The following RPS6KC1 variants were observed in gnomAD, a reference collection of about 807,000 sequenced individuals.
The protein encoded by RPS6KC1 is inactive ribosomal protein S6 kinase delta-1.
RPS6KC1 carries 54 observed loss-of-function variants against 103.8 expected under a neutral mutation model. The observed-to-expected ratio is 0.52, with a 90% CI of 0.42 to 0.65. RPS6KC1 has a LOEUF of 0.65. Among genes scored for constraint, RPS6KC1 ranks in the 30% least tolerant of loss-of-function variants. The pLI, the probability that RPS6KC1 is intolerant of heterozygous loss-of-function variation, is 0.00. For missense variants in RPS6KC1, 1,151 were observed against 1,253.8 expected (o/e 0.92, Z 1.24); for synonymous variants, 439 against 438.7 (o/e 1.00, Z -0.01).
At chr1:213,276,224 A>G (rs1022890709), downstream of RPS6KC1, among the ~76,000 whole-genome samples, 2 of 152,188 alleles carry the variant, frequency 1.3e-5, no homozygotes, top group Non-Finnish European at 2.9e-5. Flanking sequence ...GAGCCCTGAG[A>G]TTCTGCCTCC....
chr1:213,763,129 G>C, the RPS6KC1 span, among the ~76,000 whole-genome samples: 1 of 152,132 alleles, frequency 6.6e-6, no homozygotes, highest in African/African-American at 2.4e-5. Flanking sequence ...AAAGTTCTGG[G>C]ATTATAGGTG....
chr1:213,317,526 CT>C, the RPS6KC1 span, among the ~76,000 whole-genome samples: 838 of 152,266 alleles, frequency 5.5e-3, 10 homozygotes, highest in African/African-American at 0.019. Context: ...CCCTGATGAC[CT>C]TAACCTTCAT....
At chr1:213,778,557 C>CT in the RPS6KC1 span, among the ~76,000 whole-genome samples, 2 of 151,724 alleles carry the variant, frequency 1.3e-5, no homozygotes, top group African/African-American at 2.4e-5. Flanking sequence ...TGGCCTGATC[C>CT]TTTTTTTTCT....
the RPS6KC1 span, among the ~76,000 whole-genome samples, chr1:213,620,697 T>G: frequency 6.6e-6 from 1 of 152,222 alleles, no homozygotes; most frequent in Non-Finnish European, 1.5e-5. Context: ...GACATAGTTG[T>G]TACATTTTTA....
At chr1:213,392,078 G>A in the RPS6KC1 span, among the ~76,000 whole-genome samples, 1 of 152,152 alleles carries the variant, frequency 6.6e-6, no homozygotes, top group Non-Finnish European at 1.5e-5. Flanking sequence ...GTGCCTTTTG[G>A]TGAATTGGTA....
intron 4 of RPS6KC1, 124 bp downstream of exon 4, chr1:213,104,693 C>A: frequency 2.2e-6 from 1 of 464,536 alleles, no homozygotes; most frequent in Admixed American, 3.8e-5. Context: ...ATTAATAGCT[C>A]TATAATAATG....
chr1:213,268,661 A>T (rs1236647172), intron 14 of RPS6KC1, among the ~76,000 whole-genome samples: 5 of 150,282 alleles, frequency 3.3e-5, no homozygotes, highest in Non-Finnish European at 7.4e-5. Context: ...TGGGATTAAC[A>T]TATATAGAAG....
chr1:213,751,674 C>T, the RPS6KC1 span, among the ~76,000 whole-genome samples: 1 of 152,150 alleles, frequency 6.6e-6, no homozygotes, highest in African/African-American at 2.4e-5. Flanking sequence ...TGCCTTCCCT[C>T]AGAAAGACAG....
the RPS6KC1 span, among the ~76,000 whole-genome samples, chr1:213,495,256 C>T: frequency 2.6e-5 from 4 of 152,142 alleles, no homozygotes; most frequent in Admixed American, 1.3e-4. Context: ...TCCTAAGACA[C>T]ATTAATTGAT....
chr1:213,390,981 T>A, the RPS6KC1 span, among the ~76,000 whole-genome samples: 6 of 152,112 alleles, frequency 3.9e-5, no homozygotes, highest in Non-Finnish European at 7.3e-5. Flanking sequence ...TTTGGGTATA[T>A]GTGATACCGA....
chr1:213,071,950 T>C (rs2078923166), intron 2 of RPS6KC1, among the ~76,000 whole-genome samples: 1 of 152,140 alleles, frequency 6.6e-6, no homozygotes, highest in African/African-American at 2.4e-5. Flanking sequence ...ATTTACTTTG[T>C]GCTTGTTGTG....
At chr1:213,667,363 C>T in the RPS6KC1 span, among the ~76,000 whole-genome samples, 309 of 152,200 alleles carry the variant, frequency 2.0e-3, 1 homozygote, top group African/African-American at 6.9e-3. Context: ...CATTTTTTGG[C>T]TTCCCAGTAC....
chr1:213,079,256 T>G (rs2079638418), intron 3 of RPS6KC1, among the ~76,000 whole-genome samples: 2 of 152,160 alleles, frequency 1.3e-5, no homozygotes, highest in Non-Finnish European at 2.9e-5. Context: ...GTTACTATTC[T>G]TGTTCATACA....
the RPS6KC1 span, among the ~76,000 whole-genome samples, chr1:213,538,622 G>T: frequency 6.6e-6 from 1 of 152,166 alleles, no homozygotes; most frequent in Non-Finnish European, 1.5e-5. Flanking sequence ...GGTGTTTCTG[G>T]AGCAGAAGGT....
the RPS6KC1 span, among the ~76,000 whole-genome samples, chr1:213,663,149 G>A: frequency 1.3e-5 from 2 of 152,208 alleles, no homozygotes; most frequent in East Asian, 1.9e-4. Context: ...AGGATTAAAT[G>A]TATGCAAAGT....
chr1:213,477,299 C>T, the RPS6KC1 span, among the ~76,000 whole-genome samples: 132,111 of 152,072 alleles, frequency 0.87, 57,487 homozygotes, highest in East Asian at 0.98. Flanking sequence ...GTTCAAAATC[C>T]TTTTATTAAA....
At chr1:213,515,298 C>G in the RPS6KC1 span, among the ~76,000 whole-genome samples, 1 of 152,156 alleles carries the variant, frequency 6.6e-6, no homozygotes, top group East Asian at 1.9e-4. Context: ...ACATGAAGTC[C>G]TTGCCCATGC....
the RPS6KC1 span, among the ~76,000 whole-genome samples, chr1:213,741,070 T>C: frequency 1.3e-4 from 19 of 148,314 alleles, no homozygotes; most frequent in Admixed American, 1.3e-3. Flanking sequence ...AAATATATAG[T>C]ATATATAAAT....
the RPS6KC1 span, among the ~76,000 whole-genome samples, chr1:213,762,699 A>G: frequency 1.3e-5 from 2 of 152,188 alleles, no homozygotes; most frequent in Non-Finnish European, 2.9e-5. Context: ...CATTCATATT[A>G]AAATATAAAA....
Sources: allele counts gnomAD v4.1 joint callset (sites outside exome capture counted in the v4.1 genomes callset), GRCh38; gene constraint gnomAD v4.1.1; transcripts MANE v1.5; gene names NCBI Gene and HGNC (gene_info 2026-07-23, HGNC 2026-07-21).